EPB41L5: variants seen among roughly 807,000 people sequenced by gnomAD.
EPB41L5 encodes the protein band 4.1-like protein 5.
In EPB41L5, 55 loss-of-function variants were observed where a neutral mutation model predicts 106.6. That is an observed-to-expected ratio of 0.52 (90% CI 0.42 to 0.65). EPB41L5 has a LOEUF of 0.65. Among genes scored for constraint, EPB41L5 ranks in the 30% least tolerant of loss-of-function variants. The pLI, the probability that EPB41L5 is intolerant of heterozygous loss-of-function variation, is 0.00. For missense variants in EPB41L5, 871 were observed against 882.1 expected (o/e 0.99, Z 0.16); for synonymous variants, 297 against 306.7 (o/e 0.97, Z 0.33).
intron 20 of EPB41L5, among the ~76,000 whole-genome samples, chr2:120,147,321 T>G (rs1228129179): frequency 2.0e-5 from 3 of 152,128 alleles, no homozygotes; most frequent in Non-Finnish European, 2.9e-5. Context: ...TGCGCTTCAT[T>G]CTGAGTGACA....
chr2:120,121,373 C>T (rs1037134482), intron 16 of EPB41L5, among the ~76,000 whole-genome samples: 3 of 152,116 alleles, frequency 2.0e-5, no homozygotes, highest in Non-Finnish European at 4.4e-5. Context: ...CCGACAGGCC[C>T]CAGTGTGTGG....
intron 14 of EPB41L5, among the ~76,000 whole-genome samples, chr2:120,097,669 G>T (rs972617699): frequency 2.0e-5 from 3 of 152,194 alleles, no homozygotes; most frequent in African/African-American, 7.2e-5. Context: ...AAAAATGGTA[G>T]AGGAAATCAA....
intron 17 of EPB41L5, among the ~76,000 whole-genome samples, chr2:120,129,400 GAATT>G (rs1449782814): frequency 6.6e-6 from 1 of 151,896 alleles, no homozygotes; most frequent in Non-Finnish European, 1.5e-5. Flanking sequence ...TTTCTAGAAA[GAATT>G]GAGACCATAG....
At chr2:120,093,227 G>A in intron 13 of EPB41L5, 22 bp from the exon 14 acceptor site, 1 of 1,609,266 alleles carries the variant, frequency 6.2e-7, no homozygotes, top group Non-Finnish European at 8.5e-7. Flanking sequence ...CTAATGAGGT[G>A]TTATCTTTTT....
chr2:120,167,390 TGTAAGTAA>T, intron 22 of EPB41L5, 68 bp from the exon 23 acceptor site: 1 of 1,232,098 alleles, frequency 8.1e-7, no homozygotes, highest in Non-Finnish European at 1.2e-6. Context: ...TCATAATAGA[TGTAAGTAA>T]GTATTATAAG....
chr2:120,111,645 A>G (rs889741644), intron 16 of EPB41L5, among the ~76,000 whole-genome samples: 1 of 151,922 alleles, frequency 6.6e-6, no homozygotes, highest in Admixed American at 6.6e-5. Context: ...GCTTGTTACC[A>G]TCTTTACTGC....
At chr2:120,052,275 G>C (rs915618443) in intron 3 of EPB41L5, among the ~76,000 whole-genome samples, 4 of 152,164 alleles carry the variant, frequency 2.6e-5, no homozygotes, top group African/African-American at 7.2e-5. Flanking sequence ...GGGTTTGTCT[G>C]ATGTTCCCTT....
Position 120,164,844 on chromosome 2 carries a change from A to G in EPB41L5, c.1896A>G (p.Thr632=). Residue 632 remains threonine, a synonymous_variant, in exon 22 of 25, where the codon ACA becomes ACG. Coordinates refer to ENST00000263713, the MANE Select transcript of EPB41L5 (RefSeq NM_020909.4). The part of the protein sequence containing the change: ...ADSGSVLKEA[T]DELDALLASL... ...ATTCCTGTCTTCCATAGGAAGCTAC[A>G]GATGAATTGGATGCCTTGCTTGCAT... The G allele has an allele frequency of 6.2e-7, 1 of 1,611,198 alleles. No individual in the cohort carries two copies. Among genetic ancestry groups the G allele is most frequent in the Non-Finnish European group, 8.5e-7 (1 of 1,178,622 alleles).
At chr2:120,074,049 ATT>A (rs1682060650) in intron 4 of EPB41L5, 49 bp from the exon 5 acceptor site, 1 of 1,381,050 alleles carries the variant, frequency 7.2e-7, no homozygotes, top group Non-Finnish European at 1.0e-6. Context: ...GCTGAAAAGT[ATT>A]ATTTAAGTAG....
At chr2:120,045,142 A>T (rs1260577313) in intron 3 of EPB41L5, among the ~76,000 whole-genome samples, 1 of 152,212 alleles carries the variant, frequency 6.6e-6, no homozygotes, top group Admixed American at 6.5e-5. Context: ...ATGTAAGGTT[A>T]ATGTGCCACA....
At chr2:120,081,851 A>T (rs910886880) in intron 10 of EPB41L5, among the ~76,000 whole-genome samples, 1 of 151,902 alleles carries the variant, frequency 6.6e-6, no homozygotes, top group Admixed American at 6.6e-5. Context: ...ATTCCTAGGT[A>T]TTTTATTCTC....
At chr2:120,117,839 C>T (rs961350658) in intron 16 of EPB41L5, among the ~76,000 whole-genome samples, 3 of 152,056 alleles carry the variant, frequency 2.0e-5, no homozygotes, top group Non-Finnish European at 4.4e-5. Context: ...TTGCTTGTTC[C>T]TCTCCCCCTG....
rs148265033 is a variant in EPB41L5 at position 120,077,059 on chromosome 2, A to C, written c.594A>C (p.Glu198Asp). 1.1e-5 allele frequency: 18 copies of C among 1,613,004 alleles called. No individual in the cohort carries two copies. The highest frequency in any genetic ancestry group is 1.5e-5 in the Non-Finnish European group (18 of 1,179,452). The change falls in exon 8 of 25, where the codon GAA (glutamate) becomes GAC (aspartate). Residue 198 changes from glutamate (E) to aspartate (D), a missense_variant. By Grantham distance (45) the Glu-to-Asp change is conservative. Transcript: ENST00000263713. Reference sequence around the variant, plus strand: ...TGCCTATTCAGACTGAAGAGATGGAACTGGCTATTTTTGAGAAATGGAAGG... The same window carrying C: ...TGCCTATTCAGACTGAAGAGATGGACCTGGCTATTTTTGAGAAATGGAAGG... Reference protein sequence around the residue: ...RFVPIQTEEMELAIFEKWKEY... With the variant: ...RFVPIQTEEMDLAIFEKWKEY...
Position 120,014,252 on chromosome 2 carries a change from A to G in EPB41L5, c.-9+1042A>G, listed in dbSNP as rs192719971. On this transcript the variant is annotated intron_variant, in intron 1 of 24. Transcript: ENST00000263713. The stretch of plus-strand genomic sequence containing the variant: ...GGGTTTTGGGTACTTTTTTTAACCA[A>G]CTTCTGATAGGATTGCTTAAATTTG... Among the ~76,000 whole-genome samples the G allele has an allele frequency of 2.6e-5, 4 of 152,316 alleles. No individual in the cohort carries two copies. The East Asian group carries it at 5.8e-4, about 22-fold the overall frequency.
At chr2:120,097,266 C>G (rs556981706) in intron 14 of EPB41L5, among the ~76,000 whole-genome samples, 25 of 152,220 alleles carry the variant, frequency 1.6e-4, no homozygotes, top group Admixed American at 7.2e-4. Context: ...TTATTGAGCA[C>G]CACCCATCGC....
At chr2:120,044,157 A>C in intron 3 of EPB41L5, among the ~76,000 whole-genome samples, 1 of 151,372 alleles carries the variant, frequency 6.6e-6, no homozygotes, top group East Asian at 1.9e-4. Flanking sequence ...AAAAAAAAAA[A>C]GGATATATGG....
intron 2 of EPB41L5, among the ~76,000 whole-genome samples, chr2:120,032,109 G>A (rs1345474065): frequency 2.0e-5 from 3 of 152,114 alleles, no homozygotes; most frequent in East Asian, 1.9e-4. Context: ...TGGGCCAGGC[G>A]CGGTGGCTCA....
At chr2:120,105,671 T>TG in intron 16 of EPB41L5, 3 of 985,412 alleles carry the variant, frequency 3.0e-6, no homozygotes, top group Non-Finnish European at 3.6e-6. Context: ...TAAATAGATC[T>TG]GTATCTTAAA....
intron 16 of EPB41L5, chr2:120,108,425 A>G (rs182514919): frequency 6.6e-6 from 1 of 152,320 alleles, no homozygotes; most frequent in East Asian, 1.9e-4. Context: ...CCAGTGTATG[A>G]TTAAGATTTG....
Sources: allele counts gnomAD v4.1 joint callset (sites outside exome capture counted in the v4.1 genomes callset), GRCh38; gene constraint gnomAD v4.1.1; transcripts MANE v1.5; gene names NCBI Gene and HGNC (gene_info 2026-07-23, HGNC 2026-07-21).